VIL1: variants seen among roughly 807,000 people sequenced by gnomAD.
VIL1 encodes villin-1.
VIL1 carries 86 observed loss-of-function variants against 104.0 expected under a neutral mutation model. The observed-to-expected ratio is 0.83, with a 90% CI of 0.69 to 0.99. VIL1 has a LOEUF of 0.99. Among genes scored for constraint, VIL1 ranks in the 50% least tolerant of loss-of-function variants. The pLI is 0.00. For missense variants in VIL1, 944 were observed against 1,054.1 expected (o/e 0.90, Z 1.45); for synonymous variants, 394 against 412.6 (o/e 0.95, Z 0.55).
intron 2 of VIL1, 71 bp from the exon 3 acceptor site, chr2:218,424,206 T>G: frequency 7.1e-7 from 1 of 1,402,810 alleles, no homozygotes; most frequent in East Asian, 2.3e-5. Flanking sequence ...CTCCTCCCCT[T>G]GGGCCCTCCT....
intron 7 of VIL1, 44 bp from the exon 8 acceptor site, chr2:218,429,553 G>T (rs951747420): frequency 6.2e-7 from 1 of 1,613,872 alleles, no homozygotes; most frequent in Non-Finnish European, 8.5e-7. Context: ...CTGGCTGAGG[G>T]ACTTGGGCCC....
intron 1 of VIL1, 71 bp from the exon 2 acceptor site, chr2:218,423,697 T>C: frequency 6.6e-7 from 1 of 1,511,872 alleles, no homozygotes; most frequent in African/African-American, 1.4e-5. Flanking sequence ...TGTTGGGAGT[T>C]CTCTAGGGGC....
At chr2:218,442,061 G>A (rs1191160539) in intron 19 of VIL1, among the ~76,000 whole-genome samples, 1 of 152,152 alleles carries the variant, frequency 6.6e-6, no homozygotes, top group Admixed American at 6.6e-5. Flanking sequence ...GCAGCCATAG[G>A]AACACCAGTT....
intron 3 of VIL1, among the ~76,000 whole-genome samples, chr2:218,424,803 C>T (rs865927691): frequency 1.1e-4 from 16 of 152,128 alleles, no homozygotes; most frequent in South Asian, 6.2e-4. Context: ...ACTACAGGCA[C>T]GTGCCACCAC....
chr2:218,439,437 A>C (rs1328719841), intron 18 of VIL1, among the ~76,000 whole-genome samples: 1 of 152,214 alleles, frequency 6.6e-6, no homozygotes, highest in African/African-American at 2.4e-5. Context: ...ACTTTGAGAA[A>C]TAATGCTGTC....
chr2:218,437,403 T>A, intron 17 of VIL1, 91 bp downstream of exon 17: 1 of 1,464,924 alleles, frequency 6.8e-7, no homozygotes, highest in African/African-American at 1.4e-5. Context: ...TTGGGATATA[T>A]GACCTGCTGA....
chr2:218,434,143 G>A (rs531588676), intron 13 of VIL1, among the ~76,000 whole-genome samples: 1 of 147,962 alleles, frequency 6.8e-6, no homozygotes, highest in South Asian at 2.1e-4. Context: ...GGTGCAGTGA[G>A]CTGAGATAGT....
chr2:218,425,852 T>C (rs756799864), intron 4 of VIL1, 41 bp downstream of exon 4: 1 of 1,566,662 alleles, frequency 6.4e-7, no homozygotes, highest in Non-Finnish European at 8.7e-7. Context: ...TGAGGATGAG[T>C]GGTAGGGATA....
At position 218,432,184 on chromosome 2, in the gene VIL1, G is replaced by C; in HGVS notation, c.1341+1G>C. ...GCATTACCTGCTCTACGTTTGGCAG[G>C]TCAGGTCCCGCCACGTCCCACCCAG... On this transcript the variant is annotated splice_donor_variant, in intron 12 of 19. Transcript: ENST00000248444. LOFTEE classifies it high-confidence loss of function. The C allele has an allele frequency of 6.2e-7, 1 of 1,611,012 alleles. No individual in the cohort carries two copies.
chr2:218,425,861 T>C, intron 4 of VIL1, 50 bp downstream of exon 4: 1 of 1,550,598 alleles, frequency 6.4e-7, no homozygotes, highest in Non-Finnish European at 8.7e-7. Context: ...GTGGTAGGGA[T>C]AGAGATGTTG....
At position 218,423,794 on chromosome 2, in the gene VIL1, G is replaced by A. The variant is rs146567646; in HGVS notation, c.16G>A (p.Ala6Thr). MTKLS[A>T]QVKGSLNITT... ...CTCACTCACCATGACCAAGCTGAGC[G>A]CCCAAGTCAAAGGCTCTCTCAACAT... Residue 6 changes from alanine (A) to threonine (T), a missense_variant, in exon 2 of 20, where the codon GCC becomes ACC. Transcript: ENST00000248444. The A allele has an allele frequency of 4.7e-4, 752 of 1,614,118 alleles. 3 individuals are homozygous for A. In the African/African-American group the frequency reaches 8.0e-3, roughly 17 times the overall value.
At chr2:218,430,272 C>T (rs1252433815) in intron 9 of VIL1, among the ~76,000 whole-genome samples, 1 of 152,058 alleles carries the variant, frequency 6.6e-6, no homozygotes, top group Non-Finnish European at 1.5e-5. Context: ...GGGAGGCTGG[C>T]TTCCTACAAA....
chr2:218,446,827 C>T (rs1462350299), intron 19 of VIL1, among the ~76,000 whole-genome samples: 4 of 140,622 alleles, frequency 2.8e-5, no homozygotes, highest in African/African-American at 1.2e-4. Flanking sequence ...TGCAGTGGTG[C>T]GATCTCGCTC....
intron 15 of VIL1, among the ~76,000 whole-genome samples, chr2:218,435,747 A>G (rs1689178333): frequency 6.6e-6 from 1 of 152,204 alleles, no homozygotes; most frequent in African/African-American, 2.4e-5. Context: ...GCCTTTCAGT[A>G]ACAAGATGCC....
At chr2:218,435,187 C>A in intron 14 of VIL1, 102 bp from the exon 15 acceptor site, 3 of 1,514,254 alleles carry the variant, frequency 2.0e-6, no homozygotes, top group South Asian at 1.3e-5. Context: ...AGGTCCTGAC[C>A]CAGGAGAGCC....
chr2:218,429,017 A>C (rs1689048845), intron 6 of VIL1, among the ~76,000 whole-genome samples: 1 of 152,216 alleles, frequency 6.6e-6, no homozygotes, highest in Non-Finnish European at 1.5e-5. Flanking sequence ...GTCTAAGCAC[A>C]CATTTCCCAC....
In VIL1 at chr2:218,450,418, C is replaced by T. The variant is rs1423027765; in HGVS notation, c.*1082C>T. 1 of 152,612 alleles carries T rather than the reference C, an allele frequency of 6.6e-6. No homozygotes were observed. Among genetic ancestry groups the T allele is most frequent in the Admixed American group, 6.5e-5 (1 of 15,274 alleles). 9.5% of individuals were successfully genotyped at this position (152,612 alleles called of 1,614,324 possible). The stretch of plus-strand genomic sequence containing the variant: ...AACATAAAGAATCAGAATCAAAAGT[C>T]ACTCTGAACATAAAGAAAAAAAATC... On this transcript the variant is annotated 3_prime_UTR_variant, in exon 20 of 20. Transcript: ENST00000248444.
At chr2:218,433,039 C>A in intron 13 of VIL1, 88 bp downstream of exon 13, 1 of 1,538,570 alleles carries the variant, frequency 6.5e-7, no homozygotes, top group Non-Finnish European at 8.9e-7. Context: ...GTGGTGGGAG[C>A]AGGGCTTGAG....
At chr2:218,443,420 A>G (rs1689315503) in intron 19 of VIL1, among the ~76,000 whole-genome samples, 1 of 150,958 alleles carries the variant, frequency 6.6e-6, no homozygotes, top group Non-Finnish European at 1.5e-5. Context: ...CTGGTCTCAA[A>G]CTCCTGACCT....
Sources: allele counts gnomAD v4.1 joint callset (sites outside exome capture counted in the v4.1 genomes callset), GRCh38; gene constraint gnomAD v4.1.1; transcripts MANE v1.5; gene names NCBI Gene and HGNC (gene_info 2026-07-23, HGNC 2026-07-21).